ROCK2: variants seen among roughly 807,000 people sequenced by gnomAD.
The protein encoded by ROCK2 is Rho associated coiled-coil containing protein kinase 2.
In ROCK2, 61 loss-of-function variants were observed where a neutral mutation model predicts 195.1. The ratio of observed to expected loss-of-function variants is 0.31; its 90% CI spans 0.25 to 0.39. The LOEUF is 0.39. Ranked by LOEUF, ROCK2 falls within the 10% of genes least tolerant of loss-of-function variation. ROCK2 has a pLI of 1.00. For synonymous variants in ROCK2, 504 were observed against 545.5 expected, an observed-to-expected ratio of 0.92 and a Z score of 1.06; for missense variants, 1,109 against 1,637.4, an observed-to-expected ratio of 0.68 and a Z score of 5.57.
intron 3 of ROCK2, among the ~76,000 whole-genome samples, chr2:11,276,221 T>TA (rs1433858456): frequency 6.6e-6 from 1 of 152,092 alleles, no homozygotes; most frequent in Non-Finnish European, 1.5e-5. Context: ...AATTAGATAA[T>TA]AAAAAATAAA....
At chr2:11,203,672 C>A (rs1663946504) in intron 20 of ROCK2, among the ~76,000 whole-genome samples, 1 of 152,106 alleles carries the variant, frequency 6.6e-6, no homozygotes, top group Non-Finnish European at 1.5e-5. Flanking sequence ...CTCACTGGCT[C>A]TTAAACTTGT....
intron 3 of ROCK2, 39 bp downstream of exon 3, chr2:11,286,500 G>C: frequency 7.9e-7 from 1 of 1,260,940 alleles, no homozygotes; most frequent in East Asian, 2.3e-5. Flanking sequence ...ACAAAACCAT[G>C]ATGTCATAGA....
chr2:11,323,320 C>A (rs957929389), intron 1 of ROCK2, among the ~76,000 whole-genome samples: 15 of 152,310 alleles, frequency 9.8e-5, no homozygotes, highest in African/African-American at 3.6e-4. Context: ...ACCTCAGTTT[C>A]CCCTCTATTC....
rs965778872 is a variant in ROCK2 at position 11,208,251 on chromosome 2, AGTTT to A, written c.2364+32_2364+35del. 5.3e-6 allele frequency: 6 copies of A among 1,131,504 alleles called. No individual in the cohort carries two copies. In the African/African-American group the frequency reaches 6.4e-5, roughly 12 times the overall value. The allele number at this position is 1,131,504 out of a possible 1,614,324, so 70.1% of individuals were successfully genotyped here. On this transcript the variant is annotated intron_variant, in intron 19 of 32. Transcript: ENST00000315872. ...TCATGAATAAACCTATTAATTCATT[AGTTT>A]ATTATTAATCATTAGTACACTTAAT... is the stretch of plus-strand genomic sequence containing the variant.
rs1195344893 is a variant in ROCK2, at chr2:11,197,217, A to G, written c.3411T>C (p.Ser1137=). The G allele has an allele frequency of 1.2e-6, 2 of 1,611,058 alleles. No individual in the cohort carries two copies. The highest frequency in any genetic ancestry group is 1.7e-6 in the Non-Finnish European group (2 of 1,179,050). The change falls in exon 27 of 33, where the codon AGT becomes AGC. Residue 1137 remains serine, a synonymous_variant. Coordinates refer to ENST00000315872, the MANE Select transcript of ROCK2 (RefSeq NM_004850.5). The surrounding 1 kb of genome is among the most constrained non-coding windows in gnomAD (Gnocchi z 4.9). ...CATCTGCCTCAGCATCCCCTGGTCCACTGCCTATACTGGAACTATCCAGAC... is the reference window on the plus strand; with the variant it reads ...CATCTGCCTCAGCATCCCCTGGTCCGCTGCCTATACTGGAACTATCCAGAC... The part of the protein sequence containing the change: ...HIGLDSSSIG[S]GPGDAEADDG...
intron 4 of ROCK2, among the ~76,000 whole-genome samples, chr2:11,242,298 TA>T (rs1294219145): frequency 6.6e-6 from 1 of 152,152 alleles, no homozygotes; most frequent in African/African-American, 2.4e-5. Context: ...CCATTAACCA[TA>T]AAAGTTTGAT....
At chr2:11,238,457 G>A (rs1665305055) in intron 4 of ROCK2, among the ~76,000 whole-genome samples, 1 of 152,148 alleles carries the variant, frequency 6.6e-6, no homozygotes, top group Non-Finnish European at 1.5e-5. Flanking sequence ...ATTTGGAAAT[G>A]CAAAGGACTC....
intron 4 of ROCK2, among the ~76,000 whole-genome samples, chr2:11,242,153 T>C (rs1665448640): frequency 6.6e-6 from 1 of 152,162 alleles, no homozygotes; most frequent in Non-Finnish European, 1.5e-5. Flanking sequence ...ACCTGGTTCA[T>C]AGTATTTTGT....
chr2:11,312,164 TAC>T (rs1668056327), intron 1 of ROCK2, among the ~76,000 whole-genome samples: 1 of 152,226 alleles, frequency 6.6e-6, no homozygotes, highest in Admixed American at 6.5e-5. Flanking sequence ...ATGGCTTTAT[TAC>T]AGTTATTCTC....
Position 11,207,847 on chromosome 2 carries a change from G to A in ROCK2, c.2428C>T (p.Leu810=). The A allele has an allele frequency of 6.2e-7, 1 of 1,608,538 alleles. No individual in the cohort carries two copies. Among genetic ancestry groups the A allele is most frequent in the Non-Finnish European group, 8.5e-7 (1 of 1,176,518 alleles). Residue 810 remains leucine (L), a synonymous_variant, in exon 20 of 33, where the codon CTG becomes TTG. Coordinates refer to ENST00000315872, the MANE Select transcript of ROCK2 (RefSeq NM_004850.5). ...TTAACCTGTTGTGTTTGCATCTTCA[G>A]GTCATTTTGTGTAAGGCAGCGCTTC... ...TQKRCLTQND[L]KMQTQQVNTL...
At chr2:11,242,992 C>A (rs1224896824) in intron 4 of ROCK2, among the ~76,000 whole-genome samples, 1 of 152,078 alleles carries the variant, frequency 6.6e-6, no homozygotes, top group African/African-American at 2.4e-5. Flanking sequence ...CACTTTCTTG[C>A]CTCATTTCAC....
At chr2:11,223,717 C>G (rs1451979786) in intron 7 of ROCK2, among the ~76,000 whole-genome samples, 2 of 151,950 alleles carry the variant, frequency 1.3e-5, no homozygotes, top group East Asian at 3.9e-4. Flanking sequence ...ACTCCTATCA[C>G]AAATATAAAA....
chr2:11,186,909 G>A (rs1366939860), intron 32 of ROCK2, among the ~76,000 whole-genome samples: 2 of 152,066 alleles, frequency 1.3e-5, no homozygotes, highest in East Asian at 1.9e-4. Flanking sequence ...GTTTCCCCAA[G>A]CGCTCTGTTC....
chr2:11,319,922 A>T (rs537830615), intron 1 of ROCK2, among the ~76,000 whole-genome samples: 2 of 152,314 alleles, frequency 1.3e-5, no homozygotes, highest in South Asian at 4.1e-4. Context: ...AGTGACAGAA[A>T]AACCTAACCA....
In ROCK2 at chr2:11,235,936, C is replaced by A; in HGVS notation, c.489G>T (p.Arg163Ser). 6.5e-7 allele frequency: 1 copy of A among 1,530,476 alleles called. No individual in the cohort carries two copies. The highest frequency in any genetic ancestry group is 8.8e-7 in the Non-Finnish European group (1 of 1,139,112). The allele number at this position is 1,530,476 out of a possible 1,614,324, so 94.8% of individuals were successfully genotyped here. Residue 163 changes from arginine (R) to serine (S), a missense_variant, in exon 5 of 33, where the codon AGG (arginine) becomes AGT (serine). By Grantham distance (110) the Arg-to-Ser change is moderately radical. This residue lies in a region of ROCK2 where 253 missense variants were observed against 455.5 expected (regional missense o/e 0.56). Coordinates refer to ENST00000315872, the MANE Select transcript of ROCK2 (RefSeq NM_004850.5). This position sits in a 1 kb window ranked among gnomAD's most constrained non-coding sequence, Gnocchi z 4.2. ...VQLFYAFQDD[R>S]YLYMVMEYMP... The stretch of plus-strand genomic sequence containing the variant: ...TGTACTCCATTACCATGTACAGATA[C>A]CTATCATCTTGAAAGGCATAAAAAA...
At chr2:11,257,502 A>G (rs756775837) in intron 3 of ROCK2, among the ~76,000 whole-genome samples, 17 of 151,528 alleles carry the variant, frequency 1.1e-4, no homozygotes, top group Non-Finnish European at 2.2e-4. Flanking sequence ...GAATGTGAGC[A>G]CGTACAACAT....
chr2:11,227,305 G>A lies in ROCK2; in HGVS notation c.817C>T (p.Arg273Ter), dbSNP rs1272250445. 3 of 1,613,614 alleles carry A rather than the reference G, an allele frequency of 1.9e-6. No individual in the cohort carries two copies. Among genetic ancestry groups the A allele is most frequent in the Non-Finnish European group, 1.7e-6 (2 of 1,179,768 alleles). Residue 273 changes from arginine to a stop codon, truncating the protein, a stop_gained, in exon 6 of 33, where the codon CGA becomes TGA. Coordinates refer to ENST00000315872, the MANE Select transcript of ROCK2 (RefSeq NM_004850.5). LOFTEE classifies it high-confidence loss of function. ...CCTACAGACCACCAATCACATTCTC[G>A]CCCATAGAAACCATCACCCCCTTGT... ...KSQGGDGFYG[R>*]ECDWWSVGVF... is the part of the protein sequence containing the mutation.
At chr2:11,321,684 C>T (rs1668404471) in intron 1 of ROCK2, among the ~76,000 whole-genome samples, 1 of 151,902 alleles carries the variant, frequency 6.6e-6, no homozygotes, top group Non-Finnish European at 1.5e-5. Flanking sequence ...GACAGGAAAG[C>T]GACCAGTTTA....
intron 4 of ROCK2, among the ~76,000 whole-genome samples, chr2:11,245,853 A>G (rs1445870357): frequency 6.6e-6 from 1 of 152,232 alleles, no homozygotes. Context: ...TAAGTCCATG[A>G]GTTCAAACTG....
Sources: gnomAD v4.1 joint callset for allele counts (sites outside exome capture counted in the v4.1 genomes callset) on GRCh38, gnomAD v4.1.1 for gene constraint, gnomAD v4.1.1 regional missense constraint, Gnocchi (gnomAD v3.1) non-coding constraint, MANE v1.5 for transcripts, NCBI Gene and HGNC (gene_info 2026-07-23, HGNC 2026-07-21) for gene names.